Variants in SLC8A1 observed in about 807,000 individuals in gnomAD.
The protein encoded by SLC8A1 is sodium/calcium exchanger 1.
A neutral mutation model predicts 68.3 loss-of-function variants in SLC8A1; 18 were observed. That is an observed-to-expected ratio of 0.26 (90% CI 0.18 to 0.39). The LOEUF (loss-of-function observed/expected upper bound fraction) is 0.39, where lower values mean the gene tolerates loss of function less well. Ranked by LOEUF, SLC8A1 falls within the 10% of genes least tolerant of loss-of-function variation. The pLI, the probability that SLC8A1 is intolerant of heterozygous loss-of-function variation, is 1.00. For synonymous variants in SLC8A1, 475 were observed against 415.5 expected (o/e 1.14, Z -1.74); for missense variants, 985 against 1,156.7 (o/e 0.85, Z 2.15).
At chr2:40,184,871 A>G (rs2050358993) in intron 2 of SLC8A1, among the ~76,000 whole-genome samples, 1 of 146,598 alleles carries the variant, frequency 6.8e-6, no homozygotes, top group East Asian at 2.0e-4. Flanking sequence ...CTCCTCTTAC[A>G]GCTTACAAAG....
At chr2:40,318,311 G>A (rs894375942) in intron 2 of SLC8A1, among the ~76,000 whole-genome samples, 3 of 151,842 alleles carry the variant, frequency 2.0e-5, no homozygotes, top group Admixed American at 6.6e-5. Context: ...AAGAGGCTGG[G>A]CATCTGTCTT....
intron 2 of SLC8A1, among the ~76,000 whole-genome samples, chr2:40,392,088 T>C (rs1292908577): frequency 6.9e-5 from 5 of 72,488 alleles, no homozygotes; most frequent in African/African-American, 2.2e-4. Context: ...AGGAGAAAAA[T>C]AAAAAAGAAA....
chr2:40,380,775 A>T (rs1426527822), intron 2 of SLC8A1, among the ~76,000 whole-genome samples: 1 of 152,092 alleles, frequency 6.6e-6, no homozygotes, highest in African/African-American at 2.4e-5. Flanking sequence ...AAGGAAAAGG[A>T]GAAAATACTT....
intron 7 of SLC8A1, among the ~76,000 whole-genome samples, chr2:40,122,009 CTCT>C (rs747051600): frequency 6.6e-6 from 1 of 152,050 alleles, no homozygotes; most frequent in Non-Finnish European, 1.5e-5. Context: ...ATATATTCCT[CTCT>C]TTTTTCTTTT....
At chr2:40,157,159 T>C (rs766914810) in intron 6 of SLC8A1, among the ~76,000 whole-genome samples, 1 of 152,262 alleles carries the variant, frequency 6.6e-6, no homozygotes, top group Non-Finnish European at 1.5e-5. Context: ...AATTTGATCA[T>C]ATTTTATTAT....
chr2:40,114,766 T>A (rs990240737), exon 8 of SLC8A1: 1 of 152,240 alleles, frequency 6.6e-6, no homozygotes, highest in Non-Finnish European at 1.5e-5. Context: ...CCAAAATAAG[T>A]TTTAAAGTGA....
intron 2 of SLC8A1, among the ~76,000 whole-genome samples, chr2:40,401,764 C>T (rs4362610): frequency 0.64 from 96,832 of 151,754 alleles, 31,425 homozygotes; most frequent in African/African-American, 0.74. Context: ...TCTATACTTA[C>T]TTTTATATAT....
upstream of SLC8A1, among the ~76,000 whole-genome samples, chr2:40,456,220 G>A (rs1160858188): frequency 6.7e-6 from 1 of 150,206 alleles, no homozygotes; most frequent in Non-Finnish European, 1.5e-5. Context: ...GGAGGCTGAG[G>A]CAGGAGAATG....
chr2:40,282,414 C>G (rs1412657363), intron 2 of SLC8A1, among the ~76,000 whole-genome samples: 1 of 152,110 alleles, frequency 6.6e-6, no homozygotes, highest in Admixed American at 6.6e-5. Context: ...CTGTATTACC[C>G]AAGACATTGA....
Position 40,304,316 on chromosome 2 carries a change from C to T in SLC8A1, c.1808+124157G>A, listed in dbSNP as rs1044186869. 2.0e-5 allele frequency among the ~76,000 whole-genome samples: 3 copies of T among 152,146 alleles called. No individual in the cohort carries two copies. The East Asian group carries it at 5.8e-4, about 29-fold the overall frequency. Reference sequence around the variant, plus strand: ...GGAAATAAGGAGGCTGTTGGAATAGCAATTTTCAATATCCAGATTCCAGAC... The same window carrying T: ...GGAAATAAGGAGGCTGTTGGAATAGTAATTTTCAATATCCAGATTCCAGAC... On this transcript the variant is annotated intron_variant, in intron 2 of 7. Transcript: ENST00000406785.
intron 7 of SLC8A1, among the ~76,000 whole-genome samples, chr2:40,123,476 A>C (rs1191845456): frequency 2.0e-5 from 3 of 152,096 alleles, no homozygotes; most frequent in African/African-American, 7.2e-5. Context: ...ACACACACTC[A>C]CTTCACTGGT....
chr2:40,341,885 A>T (rs4140917), intron 2 of SLC8A1, among the ~76,000 whole-genome samples: 9,316 of 152,208 alleles, frequency 0.061, 543 homozygotes, highest in African/African-American at 0.15. Context: ...ATTTACCTTT[A>T]AGCAAATCCT....
intron 2 of SLC8A1, among the ~76,000 whole-genome samples, chr2:40,394,116 C>T (rs34364604): frequency 1.3e-5 from 2 of 151,974 alleles, no homozygotes; most frequent in South Asian, 2.1e-4. Flanking sequence ...GACAGCCCCC[C>T]ACAAAGAAGA....
chr2:40,367,508 C>T (rs1160186389), intron 2 of SLC8A1, among the ~76,000 whole-genome samples: 1 of 151,982 alleles, frequency 6.6e-6, no homozygotes, highest in African/African-American at 2.4e-5. Flanking sequence ...ACTGTTTCTT[C>T]CAATAGAAAC....
intron 2 of SLC8A1, among the ~76,000 whole-genome samples, chr2:40,363,794 T>C (rs113576712): frequency 3.3e-5 from 5 of 152,102 alleles, no homozygotes; most frequent in African/African-American, 9.6e-5. Context: ...TACAGCATTG[T>C]ATTTGGGCCC....
At chr2:40,496,203 C>T (rs1705689768) in intron 1 of SLC8A1, among the ~76,000 whole-genome samples, 1 of 152,100 alleles carries the variant, frequency 6.6e-6, no homozygotes, top group Admixed American at 6.6e-5. Flanking sequence ...GTTCACACTG[C>T]TCTAAATAAA....
rs76055392 is a variant in SLC8A1, at chr2:40,466,285, G to A, written c.-24-35981C>T. Among the ~76,000 whole-genome samples, 14 of 152,214 alleles carry A rather than the reference G, an allele frequency of 9.2e-5. No individual in the cohort carries two copies. The East Asian group carries it at 1.9e-3, about 21-fold the overall frequency. Reference sequence around the variant, plus strand: ...TGACATTGACATTTAACAATAAATAGGACTAAGTCAATTTCAAAAATGAGG... The same window carrying A: ...TGACATTGACATTTAACAATAAATAAGACTAAGTCAATTTCAAAAATGAGG... On this transcript the variant is annotated intron_variant, in intron 1 of 7. Transcript: ENST00000402441.
At chr2:40,447,739 T>C (rs1382241895) in intron 1 of SLC8A1, among the ~76,000 whole-genome samples, 1 of 152,228 alleles carries the variant, frequency 6.6e-6, no homozygotes, top group Non-Finnish European at 1.5e-5. Context: ...AAGTTTCAGA[T>C]ACTATTTTGC....
rs1553408011 is a variant in SLC8A1 at position 40,200,249 on chromosome 2, T to TATATAA, written c.1809-22395_1809-22394insTTATAT. Among the ~76,000 whole-genome samples, 56 of 26,990 alleles carry TATATAA rather than the reference T, an allele frequency of 2.1e-3. 2 individuals are homozygous for TATATAA. Among genetic ancestry groups the TATATAA allele is most frequent in the African/African-American group, 4.6e-3 (52 of 11,398 alleles). 17.7% of individuals were successfully genotyped at this position (26,990 alleles called of 152,430 possible). On this transcript the variant is annotated intron_variant, in intron 2 of 7. Coordinates refer to ENST00000406785, the Ensembl canonical transcript of SLC8A1. ...TTATATATATATATAAATATATATA[T>TATATAA]ATATATATATATATATATAACCTCT...
Sources: allele counts gnomAD v4.1 joint callset (sites outside exome capture counted in the v4.1 genomes callset), GRCh38; gene constraint gnomAD v4.1.1; transcripts MANE v1.5; gene names NCBI Gene and HGNC (gene_info 2026-07-23, HGNC 2026-07-21).